The following TRIM43B variants were observed in gnomAD, a reference collection of about 807,000 sequenced individuals.
TRIM43B encodes the protein tripartite motif containing 43B, also known as tripartite motif-containing protein 43B.
TRIM43B carries 15 observed loss-of-function variants against 27.0 expected under a neutral mutation model. The observed-to-expected ratio is 0.55, with a 90% CI of 0.37 to 0.85. The LOEUF is 0.85. Ranked by LOEUF, TRIM43B falls within the 40% of genes least tolerant of loss-of-function variation. The pLI is 0.00. For synonymous variants in TRIM43B, 69 were observed against 97.8 expected, an observed-to-expected ratio of 0.71 and a Z score of 1.74; for missense variants, 172 against 289.8, an observed-to-expected ratio of 0.59 and a Z score of 2.95.
At chr2:95,484,420 T>G (rs1683604156) in intron 1 of TRIM43B, among the ~76,000 whole-genome samples, 186 bp downstream of exon 1, 1 of 151,730 alleles carries the variant, frequency 6.6e-6, no homozygotes, top group Admixed American at 6.6e-5. Context: ...TGGCCCATGT[T>G]TAATCCATAA....
Position 95,481,604 on chromosome 2 carries a change from G to T in TRIM43B, c.498C>A (p.Phe166Leu), listed in dbSNP as rs199682241. The T allele has an allele frequency of 5.8e-5, 93 of 1,611,588 alleles. No homozygotes were observed. The highest frequency in any genetic ancestry group is 7.8e-5 in the Non-Finnish European group (92 of 1,178,910). The change falls in exon 3 of 7, where the codon TTC becomes TTA. Residue 166 changes from phenylalanine (F) to leucine (L), a missense_variant. Physicochemically the swap from Phe to Leu is conservative, Grantham distance 22. Around this residue, in one of 3 missense-constraint regions of TRIM43B, gnomAD observed 67 missense variants for 66.4 expected, o/e 1.01. Transcript: ENST00000639673. ...ACGGTCTCATACTTACCCTCAAGAG[G>T]AAGGCTGTTCTTCTCTCCTCATATA...
At chr2:95,483,871 T>G (rs1471010769) in intron 1 of TRIM43B, among the ~76,000 whole-genome samples, 1 of 151,708 alleles carries the variant, frequency 6.6e-6, no homozygotes, top group Non-Finnish European at 1.5e-5. Context: ...CACTAGACAG[T>G]TAAGTCAGCG....
chr2:95,484,342 C>T (rs1455886504), intron 1 of TRIM43B, among the ~76,000 whole-genome samples: 1 of 151,948 alleles, frequency 6.6e-6, no homozygotes, highest in African/African-American at 2.4e-5. Flanking sequence ...CGCACTCCAG[C>T]CTGGCAATAG....
intron 1 of TRIM43B, among the ~76,000 whole-genome samples, chr2:95,483,385 T>A (rs1389250535): frequency 6.6e-6 from 1 of 152,142 alleles, no homozygotes; most frequent in Non-Finnish European, 1.5e-5. Flanking sequence ...GGACAGTCTG[T>A]TAATTTGGGG....
rs1683529321 is a variant in TRIM43B at position 95,481,746 on chromosome 2, G to A, written c.412-56C>T. On this transcript the variant is annotated intron_variant, in intron 2 of 6. Coordinates refer to ENST00000639673, the Ensembl canonical transcript of TRIM43B. ...TCAAATACCAAAGATTCCACCATCT[G>A]AGTGGTATAAGCAGGCAAGGGATCT... The A allele has an allele frequency of 2.5e-6, 4 of 1,573,588 alleles. No homozygotes were observed. In the South Asian group the frequency reaches 4.7e-5, roughly 19 times the overall value.
chr2:95,483,250 T>C (rs1455332156), intron 1 of TRIM43B, among the ~76,000 whole-genome samples: 1 of 152,110 alleles, frequency 6.6e-6, no homozygotes, highest in Non-Finnish European at 1.5e-5. Flanking sequence ...CAGCCTTTAC[T>C]CTCCAAGGAA....
intron 4 of TRIM43B, 125 bp downstream of exon 4, chr2:95,480,180 C>T (rs968212086): frequency 2.1e-5 from 29 of 1,408,636 alleles, no homozygotes; most frequent in East Asian, 1.3e-4. Flanking sequence ...TCTCTATAAC[C>T]GGTGGGAATG....
chr2:95,484,585 C>T (rs987699238), intron 1 of TRIM43B, 21 bp downstream of exon 1: 1 of 152,146 alleles, frequency 6.6e-6, no homozygotes, highest in African/African-American at 2.4e-5. Context: ...GTAGATCCTT[C>T]TCTGGAAATT....
chr2:95,481,788 A>C (rs1457403307), intron 2 of TRIM43B, 98 bp from the exon 3 acceptor site: 8 of 1,325,512 alleles, frequency 6.0e-6, no homozygotes, highest in Admixed American at 6.0e-5. Flanking sequence ...TAAATACATT[A>C]GTGAGAGGAG....
At chr2:95,480,600 C>T in intron 3 of TRIM43B, 65 bp from the exon 4 acceptor site, 1 of 1,579,476 alleles carries the variant, frequency 6.3e-7, no homozygotes, top group East Asian at 2.4e-5. Context: ...GAGCCCACAA[C>T]TTCATCCTCC....
intron 4 of TRIM43B, among the ~76,000 whole-genome samples, chr2:95,479,887 AT>A (rs1683489610): frequency 2.1e-5 from 1 of 47,852 alleles, no homozygotes; most frequent in African/African-American, 8.7e-5. Flanking sequence ...AGTAAGACCT[AT>A]TGACAATATG....
intron 1 of TRIM43B, 43 bp downstream of exon 1, chr2:95,484,563 T>G (rs1683606741): frequency 6.6e-6 from 1 of 152,152 alleles, no homozygotes; most frequent in African/African-American, 2.4e-5. Context: ...TGTTTTGGTT[T>G]GTAACCTAAT....
At chr2:95,481,684 G>A (rs765554119) in exon 3 of TRIM43B, 3 of 1,611,176 alleles carry the variant, frequency 1.9e-6, no homozygotes, top group Non-Finnish European at 2.5e-6. Context: ...TGCTTTAAGA[G>A]TTTCTCCTGC....
chr2:95,483,985 G>A (rs374345555), intron 1 of TRIM43B, among the ~76,000 whole-genome samples: 1 of 150,910 alleles, frequency 6.6e-6, no homozygotes, highest in East Asian at 2.0e-4. Context: ...AAGTCAGGCA[G>A]GTATTTTGAG....
intron 1 of TRIM43B, among the ~76,000 whole-genome samples, chr2:95,483,831 CCCAAAA>C (rs1300123743): frequency 4.0e-5 from 6 of 151,462 alleles, no homozygotes; most frequent in African/African-American, 2.4e-5. Flanking sequence ...CTGTCTCCCC[CCCAAAA>C]CAAAAACAAA....
intron 4 of TRIM43B, 128 bp downstream of exon 4, chr2:95,480,177 A>T: frequency 1.4e-6 from 2 of 1,383,020 alleles, no homozygotes; most frequent in Non-Finnish European, 1.9e-6. Context: ...TTATCTCTAT[A>T]ACCGGTGGGA....
exon 2 of TRIM43B, chr2:95,482,596 C>A (rs1205005952): frequency 6.2e-7 from 1 of 1,613,226 alleles, no homozygotes; most frequent in African/African-American, 1.3e-5. Context: ...CCACGAAAGG[C>A]AGAGACAGGG....
In TRIM43B at chr2:95,481,591, T is replaced by C. The variant is rs755388521; in HGVS notation, c.507+4A>G. On this transcript the variant is annotated splice_donor_region_variant and intron_variant, in intron 3 of 6. Coordinates refer to ENST00000639673, the Ensembl canonical transcript of TRIM43B. ...GTCAGGAGGACTCACGGTCTCATAC[T>C]TACCCTCAAGAGGAAGGCTGTTCTT... 1.2e-6 allele frequency: 2 copies of C among 1,610,282 alleles called. No individual in the cohort carries two copies. The highest frequency in any genetic ancestry group is 1.1e-5 in the South Asian group (1 of 90,240).
chr2:95,484,157 T>A (rs532257114), intron 1 of TRIM43B, among the ~76,000 whole-genome samples: 13 of 148,062 alleles, frequency 8.8e-5, no homozygotes, highest in Admixed American at 4.0e-4. Context: ...GATCACAAGA[T>A]CAAGAGATGG....
Sources: gnomAD v4.1 joint callset for allele counts (sites outside exome capture counted in the v4.1 genomes callset) on GRCh38, gnomAD v4.1.1 for gene constraint, gnomAD v4.1.1 regional missense constraint, MANE v1.5 for transcripts, NCBI Gene and HGNC (gene_info 2026-07-23, HGNC 2026-07-21) for gene names.